Variants in TBC1D4 observed in about 807,000 individuals in gnomAD.
TBC1D4 encodes TBC (Tre-2, BUB2, CDC16) domain-containing protein.
A neutral mutation model predicts 142.5 loss-of-function variants in TBC1D4; 121 were observed. That is an observed-to-expected ratio of 0.85 (90% CI 0.73 to 0.99). The LOEUF (loss-of-function observed/expected upper bound fraction) is 0.99. Ranked by LOEUF, TBC1D4 falls within the 50% of genes least tolerant of loss-of-function variation. The pLI, the probability that TBC1D4 is intolerant of heterozygous loss-of-function variation, is 0.00. For missense variants in TBC1D4, 1,475 were observed against 1,606.6 expected (o/e 0.92, Z 1.40); for synonymous variants, 630 against 628.2 (o/e 1.00, Z -0.04).
rs971895604 is a variant in TBC1D4 at position 75,299,522 on chromosome 13, C to T, written c.2964G>A (p.Gln988=). 1 of 1,614,180 alleles carries T rather than the reference C, an allele frequency of 6.2e-7. No homozygotes were observed. Among genetic ancestry groups the T allele is most frequent in the African/African-American group, 1.3e-5 (1 of 75,058 alleles). ...PYFSVQLGPG[Q]LSLFNLLKAY... is the part of the protein sequence containing the mutation. ...CTTTCAGGAGGTTAAACAGTGACAG[C>T]TGTCCTGGCCCAAGCTGTACTGAAA... The change falls in exon 17 of 21, where the codon CAG becomes CAA. Residue 988 remains glutamine (Q), a synonymous_variant. Transcript: ENST00000377636.
chr13:75,322,085 T>C (rs996252051), intron 11 of TBC1D4, among the ~76,000 whole-genome samples: 1 of 152,084 alleles, frequency 6.6e-6, no homozygotes, highest in African/African-American at 2.4e-5. Flanking sequence ...TTGACTGGGG[T>C]GAAGAGAAAT....
Position 75,359,163 on chromosome 13 carries a change from C to A in TBC1D4, c.1170+606G>T, listed in dbSNP as rs9593067. Among the ~76,000 whole-genome samples, 952 of 152,228 alleles carry A rather than the reference C, an allele frequency of 6.3e-3. 19 individuals are homozygous for A. The highest frequency in any genetic ancestry group is 0.021 in the African/African-American group (863 of 41,528). On this transcript the variant is annotated intron_variant, in intron 3 of 20. Coordinates refer to ENST00000377636, the MANE Select transcript of TBC1D4 (RefSeq NM_014832.5). ...CTCCCTACATTTACATTTAGATACTCCTTCTATCTGACATCTTCAAAAGTT... is the reference window on the plus strand; with the variant it reads ...CTCCCTACATTTACATTTAGATACTACTTCTATCTGACATCTTCAAAAGTT...
rs1045265918 is a variant in TBC1D4, at chr13:75,284,566, T to A, written c.*2226A>T. On this transcript the variant is annotated 3_prime_UTR_variant, in exon 21 of 21. Coordinates refer to ENST00000377636, the MANE Select transcript of TBC1D4 (RefSeq NM_014832.5). ...CTTGCTCGCATGCCCACCACTGCTGTGCAGCCTGGTTCATAACAGGCCACA... is the reference window on the plus strand; with the variant it reads ...CTTGCTCGCATGCCCACCACTGCTGAGCAGCCTGGTTCATAACAGGCCACA... The A allele has an allele frequency of 1.3e-5, 2 of 152,220 alleles. No individual in the cohort carries two copies. The highest frequency in any genetic ancestry group is 1.3e-4 in the Admixed American group (2 of 15,272). The allele number at this position is 152,220 out of a possible 1,614,324, so 9.4% of individuals were successfully genotyped here.
intron 1 of TBC1D4, among the ~76,000 whole-genome samples, chr13:75,371,196 A>G: frequency 6.6e-6 from 1 of 152,234 alleles, no homozygotes; most frequent in Non-Finnish European, 1.5e-5. Context: ...ATTCAAAGCA[A>G]TAGGAACAGA....
At chr13:75,387,995 T>C (rs1430581350) in intron 1 of TBC1D4, among the ~76,000 whole-genome samples, 2 of 152,224 alleles carry the variant, frequency 1.3e-5, no homozygotes, top group African/African-American at 4.8e-5. Context: ...CATTTCTTTA[T>C]GGTCTTCTTT....
intron 20 of TBC1D4, among the ~76,000 whole-genome samples, chr13:75,288,382 C>A (rs1437093309): frequency 2.6e-5 from 4 of 152,110 alleles, no homozygotes; most frequent in Non-Finnish European, 5.9e-5. Flanking sequence ...GAGAGATTTC[C>A]CTCTTGACAG....
chr13:75,407,192 G>A (rs1269719361), intron 1 of TBC1D4, among the ~76,000 whole-genome samples: 3 of 152,154 alleles, frequency 2.0e-5, no homozygotes, highest in Non-Finnish European at 2.9e-5. Context: ...GCACATCTAC[G>A]TTCAACAAAC....
At chr13:75,438,296 T>C (rs913178684) in intron 1 of TBC1D4, among the ~76,000 whole-genome samples, 6 of 152,226 alleles carry the variant, frequency 3.9e-5, no homozygotes, top group Non-Finnish European at 4.4e-5. Flanking sequence ...TCCAAAGGTT[T>C]CACTTGAGCA....
Position 75,312,651 on chromosome 13 carries a change from T to C in TBC1D4, c.2383+87A>G, listed in dbSNP as rs190243295. On this transcript the variant is annotated intron_variant, in intron 13 of 20. Coordinates refer to ENST00000377636, the MANE Select transcript of TBC1D4 (RefSeq NM_014832.5). ...AAGATATTTCTACACTGTAATCACT[T>C]AAATCTCTTTATACACAGCACGTGC... 3.2e-6 allele frequency: 5 copies of C among 1,542,268 alleles called. No homozygotes were observed. The African/African-American group carries it at 5.4e-5, about 17-fold the overall frequency.
chr13:75,454,247 T>C (rs895769911), intron 1 of TBC1D4, among the ~76,000 whole-genome samples: 2 of 152,084 alleles, frequency 1.3e-5, no homozygotes, highest in Non-Finnish European at 2.9e-5. Context: ...AATAAAAATA[T>C]ATTAGTGATC....
At chr13:75,447,432 T>C (rs944820000) in intron 1 of TBC1D4, among the ~76,000 whole-genome samples, 3 of 151,954 alleles carry the variant, frequency 2.0e-5, no homozygotes, top group African/African-American at 4.8e-5. Flanking sequence ...TTTTCATAGA[T>C]GAGGATACTG....
At chr13:75,464,525 T>C (rs1266142012) in intron 1 of TBC1D4, among the ~76,000 whole-genome samples, 1 of 152,242 alleles carries the variant, frequency 6.6e-6, no homozygotes, top group Non-Finnish European at 1.5e-5. Context: ...TTACTGTCAA[T>C]AAATATGTGG....
chr13:75,300,570 G>C, intron 16 of TBC1D4, among the ~76,000 whole-genome samples: 1 of 152,140 alleles, frequency 6.6e-6, no homozygotes, highest in Non-Finnish European at 1.5e-5. Flanking sequence ...AGGAAGATAT[G>C]AGAAAATAAC....
chr13:75,341,044 G>T, intron 7 of TBC1D4, 81 bp downstream of exon 7: 1 of 1,137,696 alleles, frequency 8.8e-7, no homozygotes, highest in Non-Finnish European at 1.2e-6. Flanking sequence ...TAGCCCTAAA[G>T]AACCTGAGAG....
chr13:75,320,016 T>C lies in TBC1D4; in HGVS notation c.2220A>G (p.Ser740=). ...AAAATACGTAGACCTCTAATCACCT[T>C]GATTCTGAAGCAGTGTCTTGTCTGG... The part of the protein sequence containing the change: ...NEIRQDTASE[S]SDGEGRKRTS... Residue 740 remains serine (S), a splice_region_variant and synonymous_variant, in exon 12 of 21, where the codon TCA becomes TCG. Coordinates refer to ENST00000377636, the MANE Select transcript of TBC1D4 (RefSeq NM_014832.5). 1 of 1,613,184 alleles carries C rather than the reference T, an allele frequency of 6.2e-7. No homozygotes were observed. Among genetic ancestry groups the C allele is most frequent in the Non-Finnish European group, 8.5e-7 (1 of 1,179,522 alleles).
intron 1 of TBC1D4, among the ~76,000 whole-genome samples, chr13:75,412,603 C>T (rs1186199681): frequency 6.6e-6 from 1 of 152,140 alleles, no homozygotes; most frequent in Non-Finnish European, 1.5e-5. Flanking sequence ...CCATGCCCAG[C>T]TAAAATACCT....
intron 11 of TBC1D4, 37 bp from the exon 12 acceptor site, chr13:75,320,074 A>G: frequency 6.2e-7 from 1 of 1,611,312 alleles, no homozygotes; most frequent in Middle Eastern, 1.7e-4. Flanking sequence ...GAATTAGCAC[A>G]CACAAATATG....
intron 8 of TBC1D4, among the ~76,000 whole-genome samples, chr13:75,332,246 T>C (rs1469245525): frequency 6.6e-6 from 1 of 152,230 alleles, no homozygotes; most frequent in Non-Finnish European, 1.5e-5. Context: ...ACCTCCTATC[T>C]ATGATGTGAT....
chr13:75,289,160 G>C (rs764522944), intron 19 of TBC1D4, 50 bp from the exon 20 acceptor site: 3 of 1,581,894 alleles, frequency 1.9e-6, no homozygotes, highest in Non-Finnish European at 1.7e-6. Context: ...TGTATAACAA[G>C]ATACAGCCTG....
Sources: allele counts gnomAD v4.1 joint callset (sites outside exome capture counted in the v4.1 genomes callset), GRCh38; gene constraint gnomAD v4.1.1; transcripts MANE v1.5; gene names NCBI Gene and HGNC (gene_info 2026-07-23, HGNC 2026-07-21).